PRKCE: variants seen among roughly 807,000 people sequenced by gnomAD.
PRKCE encodes the protein protein kinase C epsilon.
Under a neutral mutation model 85.4 loss-of-function variants are expected in PRKCE, and 16 were observed. The observed-to-expected ratio is 0.19, with a 90% CI of 0.13 to 0.28. PRKCE has a LOEUF of 0.28. Among genes scored for constraint, PRKCE ranks in the 10% least tolerant of loss-of-function variants. The pLI, the probability that PRKCE is intolerant of heterozygous loss-of-function variation, is 1.00. For synonymous variants in PRKCE, 388 were observed against 371.5 expected (o/e 1.04, Z -0.51); for missense variants, 573 against 975.2 (o/e 0.59, Z 5.49).
intron 2 of PRKCE, among the ~76,000 whole-genome samples, chr2:45,849,770 C>T (rs10166595): frequency 0.017 from 2,514 of 152,252 alleles, 66 homozygotes; most frequent in African/African-American, 0.055. Context: ...ACAATATGCA[C>T]CCCACGTTAC....
chr2:45,922,339 T>C (rs187858898), intron 2 of PRKCE, among the ~76,000 whole-genome samples: 34 of 152,250 alleles, frequency 2.2e-4, no homozygotes, highest in Admixed American at 7.2e-4. Context: ...CCCAAAACTC[T>C]TTATACTGGC....
At chr2:46,061,915 GGC>G (rs1422965561) in intron 10 of PRKCE, among the ~76,000 whole-genome samples, 6 of 139,032 alleles carry the variant, frequency 4.3e-5, no homozygotes, top group Non-Finnish European at 9.0e-5. Flanking sequence ...GGAGTGCAGT[GGC>G]ACAATCTCGG....
intron 1 of PRKCE, among the ~76,000 whole-genome samples, chr2:45,742,437 G>GA (rs34942363): frequency 0.013 from 1,853 of 140,186 alleles, 16 homozygotes; most frequent in Non-Finnish European, 0.02. Context: ...TCTCTAAAAA[G>GA]AAAAAAAAAA....
At chr2:45,709,105 C>A (rs1247263197) in intron 1 of PRKCE, among the ~76,000 whole-genome samples, 1 of 152,226 alleles carries the variant, frequency 6.6e-6, no homozygotes, top group East Asian at 1.9e-4. Context: ...ACTGGCGCTG[C>A]TGCTCACACC....
intron 1 of PRKCE, among the ~76,000 whole-genome samples, chr2:45,728,621 C>G (rs952513488): frequency 2.0e-5 from 3 of 152,206 alleles, no homozygotes; most frequent in African/African-American, 7.2e-5. Context: ...TGGAAGGAAC[C>G]TTCATTCTCA....
rs575917529 is a variant in PRKCE, at chr2:45,900,606, C to T, written c.412+57543C>T. The stretch of plus-strand genomic sequence containing the variant: ...AAAGTAGGATGGTGGTTGCCATGGG[C>T]TAGAGGGAGGAGAGAATAGAGGACT... On this transcript the variant is annotated intron_variant, in intron 2 of 14. Transcript: ENST00000306156. Among the ~76,000 whole-genome samples, 8 of 152,160 alleles carry T rather than the reference C, an allele frequency of 5.3e-5. No homozygotes were observed. In the East Asian group the frequency reaches 1.5e-3, roughly 29 times the overall value.
At chr2:45,997,606 G>C (rs1704323367) in intron 6 of PRKCE, among the ~76,000 whole-genome samples, 1 of 151,846 alleles carries the variant, frequency 6.6e-6, no homozygotes, top group African/African-American at 2.4e-5. Flanking sequence ...GAGTGCAGTG[G>C]TATGATCTCG....
At chr2:45,928,942 C>A (rs1330780711) in intron 2 of PRKCE, among the ~76,000 whole-genome samples, 2 of 152,202 alleles carry the variant, frequency 1.3e-5, no homozygotes, top group African/African-American at 4.8e-5. Flanking sequence ...GTCCACCTGT[C>A]TGAGTTGTGC....
At chr2:46,017,547 A>G (rs371608317) in intron 10 of PRKCE, among the ~76,000 whole-genome samples, 3 of 152,144 alleles carry the variant, frequency 2.0e-5, no homozygotes, top group Non-Finnish European at 2.9e-5. Context: ...CTTACTTTCA[A>G]TTCTTTTAGC....
chr2:45,665,386 A>G (rs1393181181), intron 1 of PRKCE, among the ~76,000 whole-genome samples: 1 of 152,218 alleles, frequency 6.6e-6, no homozygotes, highest in African/African-American at 2.4e-5. Context: ...ATTTAAAAAA[A>G]GGGTTAATAA....
rs370247313 is a variant in PRKCE at position 46,046,267 on chromosome 2, T to C, written c.1437+35750T>C. ...CTCCAAGTTGGCTGAGCAGCCAGCC[T>C]CCTGTCTCCACCAGACTCAGCATGC... is the stretch of plus-strand genomic sequence containing the variant. On this transcript the variant is annotated intron_variant, in intron 10 of 14. Coordinates refer to ENST00000306156, the MANE Select transcript of PRKCE (RefSeq NM_005400.3). 1.4e-4 allele frequency among the ~76,000 whole-genome samples: 22 copies of C among 152,298 alleles called. No homozygotes were observed. The South Asian group carries it at 4.6e-3, about 32-fold the overall frequency.
At chr2:45,694,626 A>G (rs1677996319) in intron 1 of PRKCE, among the ~76,000 whole-genome samples, 1 of 152,348 alleles carries the variant, frequency 6.6e-6, no homozygotes, top group African/African-American at 2.4e-5. Flanking sequence ...GGCAAAGTCA[A>G]TGTTGGTTAG....
At chr2:45,982,977 C>T (rs1457881021) in intron 5 of PRKCE, among the ~76,000 whole-genome samples, 1 of 152,202 alleles carries the variant, frequency 6.6e-6, no homozygotes, top group African/African-American at 2.4e-5. Context: ...ATAGAGTGGG[C>T]ACAGTGATCT....
At chr2:46,063,363 AG>A (rs1054453645) in intron 10 of PRKCE, among the ~76,000 whole-genome samples, 1 of 151,776 alleles carries the variant, frequency 6.6e-6, no homozygotes, top group Non-Finnish European at 1.5e-5. Flanking sequence ...AAAAAAAAAA[AG>A]TCGGGGCGGA....
intron 2 of PRKCE, among the ~76,000 whole-genome samples, chr2:45,938,522 T>C (rs963561481): frequency 1.3e-5 from 2 of 152,166 alleles, no homozygotes; most frequent in Non-Finnish European, 2.9e-5. Flanking sequence ...TTGTGTCCCT[T>C]TCAACATTTC....
chr2:45,698,308 A>G (rs1383762099), intron 1 of PRKCE, among the ~76,000 whole-genome samples: 2 of 152,182 alleles, frequency 1.3e-5, no homozygotes, highest in Non-Finnish European at 2.9e-5. Flanking sequence ...CATATTTAGA[A>G]TTGTATTTTA....
At chr2:45,914,583 G>A (rs190335124) in intron 2 of PRKCE, among the ~76,000 whole-genome samples, 2 of 152,094 alleles carry the variant, frequency 1.3e-5, no homozygotes, top group African/African-American at 2.4e-5. Flanking sequence ...CAGGCTGATC[G>A]TCCCCCATCT....
intron 1 of PRKCE, among the ~76,000 whole-genome samples, chr2:45,838,859 T>C (rs1691114349): frequency 6.6e-6 from 1 of 152,172 alleles, no homozygotes; most frequent in Admixed American, 6.5e-5. Context: ...ACCAACTTTG[T>C]TGAGGAAAGT....
intron 5 of PRKCE, among the ~76,000 whole-genome samples, chr2:45,983,925 A>T (rs2104589034): frequency 1.4e-5 from 2 of 142,548 alleles, no homozygotes; most frequent in South Asian, 4.7e-4. Flanking sequence ...ACACAGCAGT[A>T]TTGAAGGTAC....
Sources: allele counts gnomAD v4.1 joint callset (sites outside exome capture counted in the v4.1 genomes callset), GRCh38; gene constraint gnomAD v4.1.1; transcripts MANE v1.5; gene names NCBI Gene and HGNC (gene_info 2026-07-23, HGNC 2026-07-21).